The following MICAL2 variants were observed in gnomAD, a reference collection of about 807,000 sequenced individuals.
MICAL2 encodes the protein microtubule associated monooxygenase, calponin and LIM domain containing 2.
A neutral mutation model predicts 127.3 loss-of-function variants in MICAL2; 77 were observed. The ratio of observed to expected loss-of-function variants is 0.60; its 90% CI spans 0.50 to 0.73. MICAL2 has a LOEUF of 0.73. Among genes scored for constraint, MICAL2 ranks in the 30% least tolerant of loss-of-function variants. The probability of loss-of-function intolerance (pLI) is 0.00; values close to 1 mark genes in which losing one functional copy is unlikely to be tolerated. For synonymous variants in MICAL2, 570 were observed against 551.1 expected (o/e 1.03, Z -0.48); for missense variants, 1,351 against 1,434.4 (o/e 0.94, Z 0.94).
intron 2 of MICAL2, among the ~76,000 whole-genome samples, chr11:12,282,521 C>T (rs868828690): frequency 1.3e-5 from 2 of 152,288 alleles, no homozygotes; most frequent in South Asian, 4.1e-4. Flanking sequence ...AAGATCAAGC[C>T]TCAAAATCAG....
In MICAL2 at chr11:12,258,507, C is replaced by G. The variant is rs768405867; in HGVS notation, c.3182C>G (p.Thr1061Ser). The change falls in exon 25 of 28, where the codon ACC becomes AGC. Residue 1061 changes from threonine (T) to serine (S), a missense_variant. Thr to Ser is a moderately conservative substitution (Grantham distance 58). This residue lies in a region of MICAL2 where 752 missense variants were observed against 719.4 expected (regional missense o/e 1.05). Transcript: ENST00000683283. ...AAGCCTCACTTCATTCACTGTAAAA[C>G]CAATAGCAAACAACGGAAGAGACGG... Reference protein sequence around the residue: ...YCKPHFIHCKTNSKQRKRRAE... With the variant: ...YCKPHFIHCKSNSKQRKRRAE... 1 of 1,614,144 alleles carries G rather than the reference C, an allele frequency of 6.2e-7. No individual in the cohort carries two copies. The highest frequency in any genetic ancestry group is 8.5e-7 in the Non-Finnish European group (1 of 1,180,026).
chr11:12,296,419 G>A (rs2134795252), downstream of MICAL2, among the ~76,000 whole-genome samples: 1 of 151,404 alleles, frequency 6.6e-6, no homozygotes, highest in East Asian at 1.9e-4. Context: ...AAAGGCTGCA[G>A]TATAACTCTT....
Position 12,183,164 on chromosome 11 carries a change from T to TC in MICAL2, c.264+20747dup, listed in dbSNP as rs1205803757. 2.7e-4 allele frequency among the ~76,000 whole-genome samples: 35 copies of TC among 129,202 alleles called. 1 individual carries two copies. Among genetic ancestry groups the TC allele is most frequent in the Admixed American group, 1.9e-3 (23 of 12,026 alleles). The allele number at this position is 129,202 out of a possible 152,430, so 84.8% of individuals were successfully genotyped here. On this transcript the variant is annotated intron_variant, in intron 3 of 27. Transcript: ENST00000683283. The stretch of plus-strand genomic sequence containing the variant: ...TGCCTTCATGAAACCATATCCTGAC[T>TC]CCTTTTTTTTTTTCTTTTTTTTAAA...
rs541633463 is a variant in MICAL2 at position 12,276,359 on chromosome 11, A to C, written c.87+193A>C. 9 of 392,946 alleles carry C rather than the reference A, an allele frequency of 2.3e-5. No homozygotes were observed. In the South Asian group the frequency reaches 1.3e-3, roughly 56 times the overall value. The allele number at this position is 392,946 out of a possible 1,614,324, so 24.3% of individuals were successfully genotyped here. On this transcript the variant is annotated intron_variant, in intron 1 of 2. Coordinates refer to the MICAL2 transcript ENST00000529028. ...AAGATTCACAGAATTCATATGTGTTAAGTGTATAGAACAGTGCCCACACGT... is the reference window on the plus strand; with the variant it reads ...AAGATTCACAGAATTCATATGTGTTCAGTGTATAGAACAGTGCCCACACGT...
chr11:12,283,332 A>T (rs188023840), intron 2 of MICAL2, among the ~76,000 whole-genome samples: 3 of 133,180 alleles, frequency 2.3e-5, no homozygotes, highest in African/African-American at 8.8e-5. Context: ...TCCTGGTTGC[A>T]GTGTGGAGTT....
At chr11:12,279,355 T>C (rs4757331) in intron 1 of MICAL2, among the ~76,000 whole-genome samples, 50,280 of 151,950 alleles carry the variant, frequency 0.33, 9,388 homozygotes, top group East Asian at 0.7. Flanking sequence ...AAGCAGGGAC[T>C]GCAGTTGTAG....
At chr11:12,287,026 C>G (rs2134774584) in intron 2 of MICAL2, 1 of 398,814 alleles carries the variant, frequency 2.5e-6, no homozygotes, top group Non-Finnish European at 4.4e-6. Flanking sequence ...CCTACTTACT[C>G]TACACATTTA....
intron 3 of MICAL2, among the ~76,000 whole-genome samples, chr11:12,179,464 GCTC>G (rs1857193257): frequency 6.6e-6 from 1 of 152,126 alleles, no homozygotes; most frequent in African/African-American, 2.4e-5. Context: ...CACTGGAAAT[GCTC>G]CTCTCTAACC....
intron 33 of MICAL2, among the ~76,000 whole-genome samples, chr11:12,353,787 C>T (rs983627094): frequency 8.5e-5 from 13 of 152,196 alleles, no homozygotes; most frequent in African/African-American, 3.1e-4. Context: ...TGACTCTTTC[C>T]ACCTCTCCTA....
At chr11:12,270,650 G>A (rs1243899720) in intron 24 of MICAL2, among the ~76,000 whole-genome samples, 1 of 152,196 alleles carries the variant, frequency 6.6e-6, no homozygotes, top group Non-Finnish European at 1.5e-5. Flanking sequence ...GCTTGGCCCT[G>A]TCTTCCTGAC....
At chr11:12,361,630 G>A (rs1020714672), downstream of MICAL2, among the ~76,000 whole-genome samples, 2 of 152,172 alleles carry the variant, frequency 1.3e-5, no homozygotes, top group Non-Finnish European at 2.9e-5. Flanking sequence ...ATCAATCAAT[G>A]CCAAGATGCA....
intron 2 of MICAL2, among the ~76,000 whole-genome samples, chr11:12,286,719 T>C (rs2403614): frequency 0.79 from 119,742 of 151,962 alleles, 47,919 homozygotes; most frequent in Non-Finnish European, 0.87. Flanking sequence ...AAATAAAAAT[T>C]AAAAAATTAT....
At chr11:12,149,924 A>T (rs1430304235) in intron 2 of MICAL2, among the ~76,000 whole-genome samples, 1 of 152,192 alleles carries the variant, frequency 6.6e-6, no homozygotes, top group African/African-American at 2.4e-5. Flanking sequence ...TTCAGGGGCA[A>T]GTAGAGAGGG....
At chr11:12,235,627 A>T (rs1858938715) in intron 15 of MICAL2, among the ~76,000 whole-genome samples, 1 of 152,190 alleles carries the variant, frequency 6.6e-6, no homozygotes. Flanking sequence ...TGAATTGCAG[A>T]CTTGATTTGC....
intron 26 of MICAL2, chr11:12,260,991 T>C: frequency 2.0e-6 from 2 of 985,484 alleles, no homozygotes; most frequent in Non-Finnish European, 2.4e-6. Context: ...GATGAGCTCT[T>C]TCAACTGATG....
At chr11:12,187,944 A>G (rs993991430) in intron 3 of MICAL2, among the ~76,000 whole-genome samples, 3 of 152,120 alleles carry the variant, frequency 2.0e-5, no homozygotes, top group Non-Finnish European at 4.4e-5. Flanking sequence ...TTGAACTGCT[A>G]GGACCCCAGA....
downstream of MICAL2, among the ~76,000 whole-genome samples, chr11:12,359,392 G>C (rs908138962): frequency 1.3e-5 from 2 of 151,876 alleles, no homozygotes; most frequent in African/African-American, 2.4e-5. Context: ...TATTGGTGAG[G>C]TTGGTGCCGC....
chr11:12,265,062 C>G (rs548728401), downstream of MICAL2, among the ~76,000 whole-genome samples: 1 of 152,208 alleles, frequency 6.6e-6, no homozygotes, highest in African/African-American at 2.4e-5. Context: ...ACTTTATTGT[C>G]AAAGCGTGAC....
At chr11:12,266,833 G>A (rs1863614244), downstream of MICAL2, among the ~76,000 whole-genome samples, 1 of 152,222 alleles carries the variant, frequency 6.6e-6, no homozygotes, top group Non-Finnish European at 1.5e-5. Context: ...CTGTGAACTG[G>A]GGCTAAGGAT....
Sources: gnomAD v4.1 joint callset for allele counts (sites outside exome capture counted in the v4.1 genomes callset) on GRCh38, gnomAD v4.1.1 for gene constraint, gnomAD v4.1.1 regional missense constraint, MANE v1.5 for transcripts, NCBI Gene and HGNC (gene_info 2026-07-23, HGNC 2026-07-21) for gene names.